CSMD1: variants seen among roughly 807,000 people sequenced by gnomAD.
The protein encoded by CSMD1 is CUB and sushi domain-containing protein 1.
In CSMD1, 213 loss-of-function variants were observed where a neutral mutation model predicts 417.5. That is an observed-to-expected ratio of 0.51 (90% CI 0.46 to 0.57). The LOEUF is 0.57. Ranked by LOEUF, CSMD1 falls within the 20% of genes least tolerant of loss-of-function variation. CSMD1 has a pLI of 0.00. For synonymous variants in CSMD1, 2,862 were observed against 1,736.8 expected (o/e 1.65, Z -16.11); for missense variants, 6,923 against 4,529.7 (o/e 1.53, Z -15.17).
At chr8:3,300,901 G>C (rs777741797) in intron 25 of CSMD1, among the ~76,000 whole-genome samples, 45 of 139,660 alleles carry the variant, frequency 3.2e-4, no homozygotes, top group Non-Finnish European at 5.5e-4. Context: ...TGAGGTTGCA[G>C]TGAGCCAGGA....
At chr8:4,123,729 T>G (rs1308056315) in intron 3 of CSMD1, among the ~76,000 whole-genome samples, 1 of 152,192 alleles carries the variant, frequency 6.6e-6, no homozygotes, top group African/African-American at 2.4e-5. Context: ...ACATTGTAGA[T>G]CATTAGAATT....
intron 12 of CSMD1, among the ~76,000 whole-genome samples, chr8:3,456,490 A>C (rs1006241534): frequency 1.3e-5 from 2 of 152,172 alleles, no homozygotes; most frequent in Admixed American, 1.3e-4. Flanking sequence ...CATAACACTG[A>C]AGGCCTTGTG....
chr8:4,079,412 C>G (rs140244191), intron 3 of CSMD1, among the ~76,000 whole-genome samples: 7 of 152,288 alleles, frequency 4.6e-5, no homozygotes, highest in East Asian at 1.9e-4. Context: ...TATTTTAACT[C>G]TGGCTAAAAA....
intron 1 of CSMD1, among the ~76,000 whole-genome samples, chr8:4,972,592 A>G (rs1056202349): frequency 6.6e-6 from 1 of 152,122 alleles, no homozygotes; most frequent in African/African-American, 2.4e-5. Flanking sequence ...TTTCTAAATT[A>G]TCTCACCTCA....
chr8:4,247,919 A>C (rs1316865151), intron 3 of CSMD1, among the ~76,000 whole-genome samples: 5 of 152,194 alleles, frequency 3.3e-5, no homozygotes, highest in Admixed American at 6.5e-5. Context: ...TATTAATGTG[A>C]TGTAGGTACA....
chr8:4,221,550 C>T (rs899099254), intron 3 of CSMD1, among the ~76,000 whole-genome samples: 1 of 152,112 alleles, frequency 6.6e-6, no homozygotes, highest in African/African-American at 2.4e-5. Context: ...GGCTCAAGAG[C>T]AGGAGGCCTC....
chr8:4,806,650 T>C (rs562630382), intron 1 of CSMD1, among the ~76,000 whole-genome samples: 20 of 152,290 alleles, frequency 1.3e-4, no homozygotes, highest in Admixed American at 1.2e-3. Flanking sequence ...CCTGAAACCA[T>C]ACAAAGAAAA....
chr8:4,744,907 G>A (rs771051129), intron 1 of CSMD1, among the ~76,000 whole-genome samples: 2 of 152,058 alleles, frequency 1.3e-5, no homozygotes, highest in African/African-American at 2.4e-5. Flanking sequence ...TAATGGCTCA[G>A]TATGTATAAA....
At chr8:3,012,615 A>G (rs979541026) in intron 52 of CSMD1, among the ~76,000 whole-genome samples, 8 of 152,208 alleles carry the variant, frequency 5.3e-5, no homozygotes, top group African/African-American at 1.9e-4. Context: ...GATGGAAAAC[A>G]TATTGGACCT....
intron 1 of CSMD1, among the ~76,000 whole-genome samples, chr8:4,672,250 A>G (rs1329681112): frequency 1.3e-5 from 2 of 152,172 alleles, no homozygotes; most frequent in Non-Finnish European, 2.9e-5. Context: ...GTCACAGGAC[A>G]CATATCAGGA....
chr8:4,136,827 A>G (rs1447996241), intron 3 of CSMD1, among the ~76,000 whole-genome samples: 4 of 152,214 alleles, frequency 2.6e-5, no homozygotes, highest in African/African-American at 9.6e-5. Context: ...CCTGACATCC[A>G]AATGTTTGAC....
At chr8:3,772,085 T>C (rs571365462) in intron 5 of CSMD1, among the ~76,000 whole-genome samples, 1 of 150,860 alleles carries the variant, frequency 6.6e-6, no homozygotes, top group Non-Finnish European at 1.5e-5. Flanking sequence ...ATCCAGGCGG[T>C]TGATATTAGG....
chr8:2,980,923 T>C (rs1217701435), intron 54 of CSMD1, among the ~76,000 whole-genome samples: 3 of 152,212 alleles, frequency 2.0e-5, no homozygotes, highest in Non-Finnish European at 2.9e-5. Flanking sequence ...GCAATAAATA[T>C]TCCTTGAGCC....
intron 5 of CSMD1, among the ~76,000 whole-genome samples, chr8:3,910,159 C>A (rs1043737112): frequency 6.6e-6 from 1 of 152,088 alleles, no homozygotes; most frequent in Non-Finnish European, 1.5e-5. Flanking sequence ...TTATGTCGGA[C>A]ACATGTTACA....
intron 1 of CSMD1, among the ~76,000 whole-genome samples, chr8:4,782,540 A>G (rs753425536): frequency 6.6e-5 from 10 of 152,158 alleles, no homozygotes; most frequent in Non-Finnish European, 1.0e-4. Flanking sequence ...AATATGCTCT[A>G]AGACATTTTA....
intron 3 of CSMD1, among the ~76,000 whole-genome samples, chr8:4,259,225 G>C (rs548966983): frequency 2.0e-5 from 3 of 152,130 alleles, no homozygotes; most frequent in Non-Finnish European, 4.4e-5. Context: ...AAATCGCAGA[G>C]AGAATGCGGG....
chr8:3,665,380 T>C (rs1373907049), intron 7 of CSMD1, among the ~76,000 whole-genome samples: 1 of 151,922 alleles, frequency 6.6e-6, no homozygotes, highest in East Asian at 1.9e-4. Context: ...AATACAAAAA[T>C]TAGCCAGGTG....
At chr8:4,752,612 G>A (rs1344451802) in intron 1 of CSMD1, among the ~76,000 whole-genome samples, 1 of 152,138 alleles carries the variant, frequency 6.6e-6, no homozygotes, top group Admixed American at 6.6e-5. Flanking sequence ...GAAAAATGTA[G>A]GGGAGCAAGA....
intron 5 of CSMD1, among the ~76,000 whole-genome samples, chr8:3,879,313 G>A: frequency 6.7e-6 from 1 of 149,600 alleles, no homozygotes; most frequent in East Asian, 1.9e-4. Flanking sequence ...ATGTCCTGCA[G>A]CCAAATCTAA....
Sources: gnomAD v4.1 joint callset for allele counts (sites outside exome capture counted in the v4.1 genomes callset) on GRCh38, gnomAD v4.1.1 for gene constraint, MANE v1.5 for transcripts, NCBI Gene and HGNC (gene_info 2026-07-23, HGNC 2026-07-21) for gene names.